COA1: variants seen among roughly 807,000 people sequenced by gnomAD.
The protein encoded by COA1 is cytochrome c oxidase assembly factor 1, also known as cytochrome c oxidase assembly factor 1 homolog.
A neutral mutation model predicts 16.0 loss-of-function variants in COA1; 13 were observed. That is an observed-to-expected ratio of 0.81 (90% CI 0.53 to 1.29). COA1 has a LOEUF of 1.29. Ranked by LOEUF, COA1 falls within the 50% of genes most tolerant of loss-of-function variation. COA1 has a pLI of 0.00. For missense variants in COA1, 179 were observed against 177.0 expected, an observed-to-expected ratio of 1.01 and a Z score of -0.06; for synonymous variants, 65 against 65.7, an observed-to-expected ratio of 0.99 and a Z score of 0.05.
intron 1 of COA1, among the ~76,000 whole-genome samples, chr7:43,669,002 C>T (rs2093071103): frequency 6.6e-6 from 1 of 152,062 alleles, no homozygotes; most frequent in South Asian, 2.1e-4. Context: ...TGAATTGTTT[C>T]CTCTCACCTA....
intron 1 of COA1, among the ~76,000 whole-genome samples, chr7:43,701,682 T>C (rs1205935441): frequency 6.6e-6 from 1 of 152,220 alleles, no homozygotes; most frequent in Admixed American, 6.5e-5. Context: ...CTTTCCATAA[T>C]GGTTGAACAA....
chr7:43,657,430 A>G (rs1410237512), intron 1 of COA1, among the ~76,000 whole-genome samples: 1 of 152,282 alleles, frequency 6.6e-6, no homozygotes, highest in Non-Finnish European at 1.5e-5. Context: ...GTTTTAAATT[A>G]GAAGATGGAA....
chr7:43,637,283 C>G (rs1043430935), downstream of COA1, among the ~76,000 whole-genome samples: 3 of 152,138 alleles, frequency 2.0e-5, no homozygotes, highest in African/African-American at 7.2e-5. Flanking sequence ...AGCACACTAG[C>G]TGGTAAGGAA....
At chr7:43,688,804 G>A (rs1436053103) in intron 1 of COA1, among the ~76,000 whole-genome samples, 1 of 152,162 alleles carries the variant, frequency 6.6e-6, no homozygotes, top group Non-Finnish European at 1.5e-5. Flanking sequence ...TAGGAAAGAG[G>A]TAAAGCAGGG....
intron 6 of COA1, among the ~76,000 whole-genome samples, chr7:43,629,523 T>C (rs1052194671): frequency 1.3e-5 from 2 of 152,232 alleles, no homozygotes; most frequent in Non-Finnish European, 2.9e-5. Context: ...GATGCTGTTG[T>C]TTTTTGGATA....
intron 1 of COA1, among the ~76,000 whole-genome samples, chr7:43,706,628 G>A (rs1456071540): frequency 2.0e-5 from 3 of 152,140 alleles, no homozygotes; most frequent in Admixed American, 6.6e-5. Context: ...CAGAACTTTA[G>A]GAGGGCAAGG....
chr7:43,683,902 G>A (rs1394935572), intron 1 of COA1, among the ~76,000 whole-genome samples: 1 of 152,180 alleles, frequency 6.6e-6, no homozygotes, highest in East Asian at 1.9e-4. Flanking sequence ...AATTCTGTGG[G>A]TCAGTAATTT....
chr7:43,626,268 C>A (rs527783926), intron 6 of COA1: 2 of 152,170 alleles, frequency 1.3e-5, no homozygotes, highest in East Asian at 3.8e-4. Flanking sequence ...AATGACAGCA[C>A]CTAACCACTA....
chr7:43,623,636 G>GA, intron 6 of COA1: 1 of 1,608,122 alleles, frequency 6.2e-7, no homozygotes, highest in Non-Finnish European at 8.5e-7. Context: ...AGTTATTAAT[G>GA]AAAAATTGAT....
At chr7:43,612,005 A>G (rs1357174984) in intron 6 of COA1, among the ~76,000 whole-genome samples, 2 of 152,242 alleles carry the variant, frequency 1.3e-5, no homozygotes, top group Non-Finnish European at 1.5e-5. Flanking sequence ...AAGTTCTTGA[A>G]TACCAACTTT....
chr7:43,682,007 A>T (rs2093788702), intron 1 of COA1, among the ~76,000 whole-genome samples: 1 of 152,200 alleles, frequency 6.6e-6, no homozygotes, highest in African/African-American at 2.4e-5. Flanking sequence ...AATAGTGTGG[A>T]ACGTGCGGGT....
intron 1 of COA1, among the ~76,000 whole-genome samples, chr7:43,680,647 C>T (rs527802956): frequency 4.6e-5 from 7 of 152,256 alleles, no homozygotes; most frequent in South Asian, 2.1e-4. Context: ...AATAAGCCTA[C>T]GCTGTGGAAC....
chr7:43,645,204 C>A (rs2302031), intron 4 of COA1, 47 bp downstream of exon 4: 4 of 1,594,756 alleles, frequency 2.5e-6, no homozygotes, highest in Non-Finnish European at 1.7e-6. Flanking sequence ...AGACTCTCCT[C>A]TCCTTCAGCA....
intron 1 of COA1, among the ~76,000 whole-genome samples, chr7:43,718,439 A>G (rs375694784): frequency 2.6e-5 from 4 of 152,202 alleles, no homozygotes; most frequent in East Asian, 3.8e-4. Flanking sequence ...AATACTATTG[A>G]CCACAGATCT....
At chr7:43,680,767 G>A (rs1199471826) in intron 1 of COA1, among the ~76,000 whole-genome samples, 2 of 152,152 alleles carry the variant, frequency 1.3e-5, no homozygotes, top group East Asian at 1.9e-4. Flanking sequence ...CCAGGAGTTC[G>A]AGACCAGCCT....
intron 1 of COA1, among the ~76,000 whole-genome samples, chr7:43,718,997 A>G (rs1380128510): frequency 1.4e-5 from 2 of 145,796 alleles, no homozygotes; most frequent in African/African-American, 2.6e-5. Context: ...TTTGAGATGG[A>G]GTCTCACTCT....
At chr7:43,712,960 C>G (rs776901733) in intron 1 of COA1, among the ~76,000 whole-genome samples, 6 of 151,052 alleles carry the variant, frequency 4.0e-5, no homozygotes, top group Non-Finnish European at 7.4e-5. Context: ...GTCTTGTTTT[C>G]TTTTGCTATT....
At chr7:43,633,696 T>TA (rs1234804083) in intron 6 of COA1, among the ~76,000 whole-genome samples, 6 of 152,240 alleles carry the variant, frequency 3.9e-5, no homozygotes, top group South Asian at 4.1e-4. Context: ...CCACAATTTG[T>TA]AAAAAACACA....
At chr7:43,725,641 T>C (rs973098260) in intron 1 of COA1, among the ~76,000 whole-genome samples, 4 of 152,178 alleles carry the variant, frequency 2.6e-5, no homozygotes, top group African/African-American at 9.6e-5. Flanking sequence ...GTGGATCACC[T>C]GAGGTCAGGA....
Sources: allele counts gnomAD v4.1 joint callset (sites outside exome capture counted in the v4.1 genomes callset), GRCh38; gene constraint gnomAD v4.1.1; transcripts MANE v1.5; gene names NCBI Gene and HGNC (gene_info 2026-07-23, HGNC 2026-07-21).